The following RALYL variants were observed in gnomAD, a reference collection of about 807,000 sequenced individuals.
RALYL encodes the protein RNA-binding Raly-like protein.
RALYL carries 29 observed loss-of-function variants against 35.1 expected under a neutral mutation model. The ratio of observed to expected loss-of-function variants is 0.83; its 90% CI spans 0.61 to 1.13. The LOEUF (loss-of-function observed/expected upper bound fraction) is 1.13, where lower values mean the gene tolerates loss of function less well. RALYL is among the 50% of genes most tolerant of loss of function. The pLI is 0.00. For synonymous variants in RALYL, 120 were observed against 127.6 expected, an observed-to-expected ratio of 0.94 and a Z score of 0.40; for missense variants, 359 against 360.4, an observed-to-expected ratio of 1.00 and a Z score of 0.03.
At chr8:84,763,910 C>G (rs991270275) in intron 2 of RALYL, among the ~76,000 whole-genome samples, 1 of 152,134 alleles carries the variant, frequency 6.6e-6, no homozygotes, top group Non-Finnish European at 1.5e-5. Flanking sequence ...AAGCATGCAC[C>G]AAAGCCACAA....
chr8:84,248,939 T>C (rs1829659063), intron 1 of RALYL, among the ~76,000 whole-genome samples: 1 of 152,056 alleles, frequency 6.6e-6, no homozygotes, highest in South Asian at 2.1e-4. Flanking sequence ...AGCTTGATTA[T>C]GTCAAGAAAA....
intron 1 of RALYL, among the ~76,000 whole-genome samples, chr8:84,457,265 T>C (rs1216458780): frequency 1.3e-5 from 2 of 152,026 alleles, no homozygotes; most frequent in Non-Finnish European, 2.9e-5. Flanking sequence ...ACAAGTAGTA[T>C]TACAAGATAT....
chr8:84,352,374 T>C (rs962279703), intron 1 of RALYL, among the ~76,000 whole-genome samples: 5 of 150,414 alleles, frequency 3.3e-5, no homozygotes, highest in Non-Finnish European at 7.4e-5. Context: ...TTAAAAATAC[T>C]CAAAAGAAAC....
intron 1 of RALYL, among the ~76,000 whole-genome samples, chr8:84,285,333 T>C (rs1837384118): frequency 6.6e-6 from 1 of 152,214 alleles, no homozygotes; most frequent in Non-Finnish European, 1.5e-5. Context: ...AAAATATATT[T>C]TGACATTTGA....
chr8:84,351,837 G>C (rs116150612), intron 1 of RALYL, among the ~76,000 whole-genome samples: 1 of 150,186 alleles, frequency 6.7e-6, no homozygotes, highest in Non-Finnish European at 1.5e-5. Context: ...TGTGACAATA[G>C]GTATTTTGGC....
chr8:84,813,578 T>A (rs933759711), intron 4 of RALYL, among the ~76,000 whole-genome samples: 2 of 152,222 alleles, frequency 1.3e-5, no homozygotes, highest in African/African-American at 4.8e-5. Context: ...CACATTAATT[T>A]TAATTCTATG....
At chr8:84,223,153 C>T (rs544466794) in intron 1 of RALYL, among the ~76,000 whole-genome samples, 2 of 124,842 alleles carry the variant, frequency 1.6e-5, no homozygotes, top group African/African-American at 6.5e-5. Flanking sequence ...CTTTCCTTTC[C>T]TTTCTTTCCT....
chr8:84,554,099 GA>G (rs1303622535), intron 2 of RALYL, among the ~76,000 whole-genome samples: 1 of 151,866 alleles, frequency 6.6e-6, no homozygotes, highest in Non-Finnish European at 1.5e-5. Flanking sequence ...GTTTCTTTTA[GA>G]AACTTGATTG....
At chr8:84,918,070 T>A (rs1848753909) in intron 8 of RALYL, among the ~76,000 whole-genome samples, 1 of 152,038 alleles carries the variant, frequency 6.6e-6, no homozygotes, top group African/African-American at 2.4e-5. Flanking sequence ...TTATGTGACC[T>A]GTCTTACCTA....
intron 8 of RALYL, among the ~76,000 whole-genome samples, chr8:84,901,475 T>C (rs1845672579): frequency 6.6e-6 from 1 of 152,104 alleles, no homozygotes. Context: ...GACTTAGTAA[T>C]GAGAGACTTA....
At chr8:84,466,722 C>T (rs1419670798) in intron 1 of RALYL, among the ~76,000 whole-genome samples, 1 of 151,914 alleles carries the variant, frequency 6.6e-6, no homozygotes, top group African/African-American at 2.4e-5. Context: ...GGAATGGTAC[C>T]AGTTCCTCCT....
At chr8:84,774,022 A>G (rs1232107395) in intron 2 of RALYL, among the ~76,000 whole-genome samples, 1 of 152,174 alleles carries the variant, frequency 6.6e-6, no homozygotes, top group Non-Finnish European at 1.5e-5. Context: ...AGTTTGAGAC[A>G]GCCTGGGCCT....
intron 2 of RALYL, among the ~76,000 whole-genome samples, chr8:84,693,865 A>G (rs1295186949): frequency 6.6e-6 from 1 of 151,976 alleles, no homozygotes; most frequent in African/African-American, 2.4e-5. Flanking sequence ...GAGAAAAACC[A>G]TATGATCACC....
intron 1 of RALYL, among the ~76,000 whole-genome samples, chr8:84,500,364 A>T (rs954452506): frequency 4.6e-5 from 7 of 152,114 alleles, no homozygotes; most frequent in Non-Finnish European, 1.0e-4. Context: ...ATTTACACAC[A>T]CTTATCACAT....
intron 1 of RALYL, among the ~76,000 whole-genome samples, chr8:84,467,457 G>A (rs1274035077): frequency 6.6e-6 from 1 of 151,968 alleles, no homozygotes; most frequent in Non-Finnish European, 1.5e-5. Flanking sequence ...GCAGCTTTGA[G>A]TGGGATTCTT....
At chr8:84,722,645 A>ATATATATATATATATATG (rs1336047176) in intron 2 of RALYL, among the ~76,000 whole-genome samples, 2 of 138,784 alleles carry the variant, frequency 1.4e-5, no homozygotes, top group African/African-American at 5.4e-5. Context: ...ATATATATAT[A>ATATATATATATATATATG]TATGTATGTA....
intron 2 of RALYL, among the ~76,000 whole-genome samples, chr8:84,702,812 C>T (rs1840442622): frequency 6.6e-6 from 1 of 151,940 alleles, no homozygotes; most frequent in Non-Finnish European, 1.5e-5. Context: ...ATTAATTTAT[C>T]CCAATGTATC....
At chr8:84,244,893 A>C (rs576720761) in intron 1 of RALYL, among the ~76,000 whole-genome samples, 2 of 152,276 alleles carry the variant, frequency 1.3e-5, no homozygotes, top group East Asian at 1.9e-4. Context: ...ACTATCATAC[A>C]TGCTGGCAGA....
chr8:84,403,524 GTTTT>G (rs769845435), intron 1 of RALYL, among the ~76,000 whole-genome samples: 28 of 39,474 alleles, frequency 7.1e-4, no homozygotes, highest in Non-Finnish European at 1.4e-3. Flanking sequence ...CTATATCTCT[GTTTT>G]TTTTTTTTTT....
Sources: gnomAD v4.1 joint callset for allele counts (sites outside exome capture counted in the v4.1 genomes callset) on GRCh38, gnomAD v4.1.1 for gene constraint, MANE v1.5 for transcripts, NCBI Gene and HGNC (gene_info 2026-07-23, HGNC 2026-07-21) for gene names.